The following HTR1E variants were observed in gnomAD, a reference collection of about 807,000 sequenced individuals.
The protein encoded by HTR1E is 5-HT-1E.
HTR1E carries 3 observed loss-of-function variants against 3.4 expected under a neutral mutation model. The observed-to-expected ratio is 0.89, with a 90% CI of 0.41 to 2.31. HTR1E has a LOEUF of 2.31. HTR1E is among the 30% of genes most tolerant of loss of function. HTR1E has a pLI of 0.05. For missense variants in HTR1E, 392 were observed against 467.0 expected (o/e 0.84, Z 1.48); for synonymous variants, 170 against 182.8 (o/e 0.93, Z 0.56).
At chr6:87,013,714 AAAT>A (rs1274762320) in intron 1 of HTR1E, among the ~76,000 whole-genome samples, 2 of 152,126 alleles carry the variant, frequency 1.3e-5, no homozygotes, top group African/African-American at 2.4e-5. Context: ...GAATAAATAT[AAAT>A]AAGAAATTAA....
At chr6:86,990,251 C>T (rs1392465838) in intron 1 of HTR1E, among the ~76,000 whole-genome samples, 1 of 152,174 alleles carries the variant, frequency 6.6e-6, no homozygotes, top group African/African-American at 2.4e-5. Flanking sequence ...ACCTCAAGCA[C>T]CAGCTAGCTT....
intron 1 of HTR1E, among the ~76,000 whole-genome samples, chr6:87,014,434 G>A (rs576115652): frequency 1.3e-5 from 2 of 152,154 alleles, no homozygotes; most frequent in South Asian, 4.2e-4. Context: ...AATAACATTT[G>A]ACTCAGCAAT....
At chr6:86,953,265 C>G (rs1454645825) in intron 1 of HTR1E, among the ~76,000 whole-genome samples, 1 of 152,162 alleles carries the variant, frequency 6.6e-6, no homozygotes, top group Non-Finnish European at 1.5e-5. Flanking sequence ...TAATTCATAA[C>G]AAATGACCCC....
intron 1 of HTR1E, among the ~76,000 whole-genome samples, chr6:87,003,226 G>A (rs979432495): frequency 6.6e-6 from 1 of 152,076 alleles, no homozygotes; most frequent in Non-Finnish European, 1.5e-5. Flanking sequence ...ATGACCAGTG[G>A]GCCAATGAAG....
intron 1 of HTR1E, among the ~76,000 whole-genome samples, chr6:86,989,652 T>G (rs910653942): frequency 6.6e-6 from 1 of 152,194 alleles, no homozygotes; most frequent in Admixed American, 6.5e-5. Context: ...CAAACTGTAA[T>G]AACAATTACC....
chr6:87,013,180 A>G lies in HTR1E; in HGVS notation c.-185-1970A>G, dbSNP rs182416152. Among the ~76,000 whole-genome samples the G allele has an allele frequency of 8.5e-5, 13 of 152,334 alleles. No homozygotes were observed. The East Asian group carries it at 2.3e-3, about 27-fold the overall frequency. On this transcript the variant is annotated intron_variant, in intron 1 of 1. Coordinates refer to ENST00000305344, the MANE Select transcript of HTR1E (RefSeq NM_000865.3). ...CTGCTGCAAAGGACAAAGCCCCAGA[A>G]GAATAATATGCCAAAGTCGGCCTTA...
At chr6:86,952,688 G>A (rs1767264930) in intron 1 of HTR1E, among the ~76,000 whole-genome samples, 1 of 152,118 alleles carries the variant, frequency 6.6e-6, no homozygotes, top group Non-Finnish European at 1.5e-5. Flanking sequence ...TCTTCTCAAA[G>A]TGAATGATCC....
At chr6:86,946,554 T>C (rs1027142281) in intron 1 of HTR1E, among the ~76,000 whole-genome samples, 1 of 152,234 alleles carries the variant, frequency 6.6e-6, no homozygotes, top group Non-Finnish European at 1.5e-5. Flanking sequence ...TATAAAATTA[T>C]GCTGAAATCT....
chr6:86,987,441 T>C (rs959289781), intron 1 of HTR1E, among the ~76,000 whole-genome samples: 2 of 152,088 alleles, frequency 1.3e-5, no homozygotes, highest in African/African-American at 4.8e-5. Flanking sequence ...TCTCTAATGC[T>C]CCGTAATGTA....
chr6:86,980,629 G>A (rs1187807725), intron 1 of HTR1E, among the ~76,000 whole-genome samples: 1 of 152,120 alleles, frequency 6.6e-6, no homozygotes, highest in Non-Finnish European at 1.5e-5. Flanking sequence ...CATACTCTAT[G>A]TTGACAACTT....
chr6:87,009,528 C>T (rs1272640913), intron 1 of HTR1E, among the ~76,000 whole-genome samples: 2,299 of 149,790 alleles, frequency 0.015, 58 homozygotes, highest in African/African-American at 0.052. Context: ...CCTTTCTATT[C>T]CACAAAGCCG....
chr6:86,949,090 T>C (rs1207135960), intron 1 of HTR1E, among the ~76,000 whole-genome samples: 1 of 152,222 alleles, frequency 6.6e-6, no homozygotes, highest in Admixed American at 6.5e-5. Flanking sequence ...AAAAGGTCTT[T>C]AATAATCCAG....
intron 1 of HTR1E, among the ~76,000 whole-genome samples, chr6:86,976,718 G>A (rs910662779): frequency 1.3e-5 from 2 of 152,232 alleles, no homozygotes; most frequent in African/African-American, 4.8e-5. Flanking sequence ...TCACGTCAAT[G>A]TGTCTGACTC....
chr6:87,006,547 C>T (rs1306245892), intron 1 of HTR1E, among the ~76,000 whole-genome samples: 2 of 152,102 alleles, frequency 1.3e-5, no homozygotes, highest in African/African-American at 2.4e-5. Flanking sequence ...GCAGAAATAC[C>T]ATTTGACCCA....
intron 1 of HTR1E, among the ~76,000 whole-genome samples, chr6:87,010,363 G>A (rs1768197686): frequency 1.7e-5 from 2 of 118,050 alleles, no homozygotes; most frequent in African/African-American, 6.5e-5. Context: ...CCGGGCGGGG[G>A]GCTGACCCCC....
chr6:86,958,937 CGTGTGT>C (rs55871033), intron 1 of HTR1E, among the ~76,000 whole-genome samples: 13,558 of 139,934 alleles, frequency 0.097, 666 homozygotes, highest in Non-Finnish European at 0.11. Context: ...ACCAATTGCA[CGTGTGT>C]GTGTGTGTGT....
chr6:86,937,943 T>C (rs888344443), intron 1 of HTR1E, 120 bp downstream of exon 1: 4 of 152,626 alleles, frequency 2.6e-5, no homozygotes, highest in Admixed American at 2.0e-4. Context: ...GCGGCGGGAG[T>C]TGGGATGCGG....
intron 1 of HTR1E, among the ~76,000 whole-genome samples, chr6:87,006,279 C>G (rs2127831694): frequency 6.6e-6 from 1 of 152,288 alleles, no homozygotes; most frequent in East Asian, 1.9e-4. Flanking sequence ...CATCTGCACT[C>G]CCATGTTTAT....
intron 1 of HTR1E, among the ~76,000 whole-genome samples, chr6:86,999,310 T>C (rs533359437): frequency 1.3e-5 from 2 of 152,140 alleles, no homozygotes; most frequent in East Asian, 1.9e-4. Flanking sequence ...TTTTAAGATA[T>C]ACCAAATAAA....
Sources: gnomAD v4.1 joint callset for allele counts (sites outside exome capture counted in the v4.1 genomes callset) on GRCh38, gnomAD v4.1.1 for gene constraint, MANE v1.5 for transcripts, NCBI Gene and HGNC (gene_info 2026-07-23, HGNC 2026-07-21) for gene names.